Variants in RBMS3 observed in about 807,000 individuals in gnomAD.
RBMS3 encodes the protein RNA binding motif single stranded interacting protein 3, also known as RNA-binding motif, single-stranded-interacting protein 3.
A neutral mutation model predicts 66.8 loss-of-function variants in RBMS3; 27 were observed. That is an observed-to-expected ratio of 0.40 (90% CI 0.30 to 0.56). RBMS3 has a LOEUF of 0.56. Ranked by LOEUF, RBMS3 falls within the 20% of genes least tolerant of loss-of-function variation. The pLI, the probability that RBMS3 is intolerant of heterozygous loss-of-function variation, is 0.40. For synonymous variants in RBMS3, 188 were observed against 183.0 expected, an observed-to-expected ratio of 1.03 and a Z score of -0.22; for missense variants, 513 against 549.5, an observed-to-expected ratio of 0.93 and a Z score of 0.66.
intron 4 of RBMS3, among the ~76,000 whole-genome samples, chr3:29,690,927 G>T (rs1260517897): frequency 6.6e-6 from 1 of 152,168 alleles, no homozygotes; most frequent in South Asian, 2.1e-4. Context: ...CAGTGCAAAA[G>T]AATGGGAATA....
chr3:29,979,970 C>A (rs1697870086), intron 12 of RBMS3, among the ~76,000 whole-genome samples: 1 of 152,178 alleles, frequency 6.6e-6, no homozygotes, highest in Non-Finnish European at 1.5e-5. Context: ...ATTGCTGGGT[C>A]AAATTGTATT....
chr3:29,361,114 C>T (rs372658240), intron 1 of RBMS3, among the ~76,000 whole-genome samples: 5 of 151,984 alleles, frequency 3.3e-5, no homozygotes, highest in African/African-American at 4.8e-5. Flanking sequence ...TTATTTTGCT[C>T]GTTACTTGAA....
intron 11 of RBMS3, 99 bp downstream of exon 11, chr3:29,936,295 T>C: frequency 8.9e-7 from 1 of 1,127,700 alleles, no homozygotes; most frequent in Non-Finnish European, 1.3e-6. Flanking sequence ...GTCTGTACCA[T>C]ATTCGTTGAC....
chr3:29,980,801 G>T (rs2149781827), intron 12 of RBMS3, among the ~76,000 whole-genome samples: 1 of 152,160 alleles, frequency 6.6e-6, no homozygotes, highest in East Asian at 1.9e-4. Context: ...TATCTGTTTT[G>T]GTACCAGTAC....
intron 6 of RBMS3, among the ~76,000 whole-genome samples, chr3:29,785,012 G>A (rs1233590863): frequency 6.6e-6 from 1 of 151,672 alleles, no homozygotes; most frequent in Non-Finnish European, 1.5e-5. Flanking sequence ...CAAGCAGTGA[G>A]ATTGAAATGG....
chr3:29,905,430 A>AT (rs1054905865), intron 10 of RBMS3, among the ~76,000 whole-genome samples: 1 of 151,958 alleles, frequency 6.6e-6, no homozygotes, highest in Non-Finnish European at 1.5e-5. Flanking sequence ...TCAAAATTTC[A>AT]TTTTTTTGAT....
intron 1 of RBMS3, among the ~76,000 whole-genome samples, chr3:29,361,773 C>T (rs1340637012): frequency 6.6e-6 from 1 of 152,132 alleles, no homozygotes; most frequent in South Asian, 2.1e-4. Flanking sequence ...CTCTAAACTT[C>T]TCTTCTCTCT....
In RBMS3 at chr3:29,417,519, C is replaced by T. The variant is rs2040527908; in HGVS notation, c.76-17224C>T. 2.0e-5 allele frequency among the ~76,000 whole-genome samples: 3 copies of T among 152,066 alleles called. No homozygotes were observed. In the South Asian group the frequency reaches 6.2e-4, roughly 32 times the overall value. ...CTAATTATTATAATTTGGGAATATC[C>T]TATGGGTTTATATTAAGTGGAATAT... On this transcript the variant is annotated intron_variant, in intron 1 of 14. Coordinates refer to ENST00000383767, the MANE Select transcript of RBMS3 (RefSeq NM_001003793.3).
chr3:29,382,716 C>T (rs932956144), intron 1 of RBMS3, among the ~76,000 whole-genome samples: 1 of 152,110 alleles, frequency 6.6e-6, no homozygotes, highest in African/African-American at 2.4e-5. Flanking sequence ...AAATATGTGG[C>T]AATTCAGTAT....
chr3:29,959,066 A>C (rs1424715738), intron 12 of RBMS3, among the ~76,000 whole-genome samples: 3 of 152,202 alleles, frequency 2.0e-5, no homozygotes, highest in Admixed American at 2.0e-4. Context: ...AATGCTGAGC[A>C]GGCAGCATAT....
chr3:29,439,120 G>A (rs1037845091), intron 2 of RBMS3, among the ~76,000 whole-genome samples: 3 of 152,138 alleles, frequency 2.0e-5, no homozygotes, highest in Non-Finnish European at 4.4e-5. Context: ...CTAAGAAAAA[G>A]CCACGTGACT....
At chr3:29,857,707 C>A (rs1324135242) in intron 6 of RBMS3, among the ~76,000 whole-genome samples, 1 of 152,054 alleles carries the variant, frequency 6.6e-6, no homozygotes, top group Non-Finnish European at 1.5e-5. Context: ...AGCCACTCTG[C>A]AGGACCAGTG....
intron 12 of RBMS3, among the ~76,000 whole-genome samples, chr3:29,958,740 T>C (rs950800950): frequency 6.6e-6 from 1 of 152,190 alleles, no homozygotes; most frequent in African/African-American, 2.4e-5. Context: ...TGTGTATAGG[T>C]CCCAGTTCCT....
chr3:29,837,679 T>G lies in RBMS3; in HGVS notation c.638-31179T>G, dbSNP rs1470295463. Among the ~76,000 whole-genome samples, 8 of 93,046 alleles carry G rather than the reference T, an allele frequency of 8.6e-5. No individual in the cohort carries two copies. The Admixed American group carries it at 9.1e-4, about 11-fold the overall frequency. The allele number at this position is 93,046 out of a possible 152,430, so 61.0% of individuals were successfully genotyped here. ...TATAATGAACATATATATATATATATATATATATATATATATATATATATA... is the reference window on the plus strand; with the variant it reads ...TATAATGAACATATATATATATATAGATATATATATATATATATATATATA... On this transcript the variant is annotated intron_variant, in intron 6 of 14. Coordinates refer to ENST00000383767, the MANE Select transcript of RBMS3 (RefSeq NM_001003793.3).
chr3:29,377,354 T>C (rs1015088006), intron 1 of RBMS3, among the ~76,000 whole-genome samples: 5 of 152,166 alleles, frequency 3.3e-5, no homozygotes, highest in Non-Finnish European at 1.5e-5. Flanking sequence ...GGGTGAGGCC[T>C]GCATGTTGGG....
intron 6 of RBMS3, among the ~76,000 whole-genome samples, chr3:29,774,593 G>A (rs1010661707): frequency 3.9e-5 from 6 of 152,124 alleles, no homozygotes; most frequent in Non-Finnish European, 7.4e-5. Context: ...TACAGAGACC[G>A]CTGGAGGTTC....
intron 1 of RBMS3, among the ~76,000 whole-genome samples, chr3:29,290,124 T>C (rs922540342): frequency 1.3e-5 from 2 of 151,906 alleles, no homozygotes; most frequent in African/African-American, 2.4e-5. Context: ...TTTGAGGCTA[T>C]TGTCGATGTC....
intron 6 of RBMS3, among the ~76,000 whole-genome samples, chr3:29,764,674 C>A (rs898075989): frequency 1.3e-5 from 2 of 152,014 alleles, no homozygotes; most frequent in South Asian, 2.1e-4. Context: ...GCCTTCTTGC[C>A]CTGATTGATT....
intron 6 of RBMS3, among the ~76,000 whole-genome samples, chr3:29,779,043 G>T (rs1040925065): frequency 1.3e-5 from 2 of 151,570 alleles, no homozygotes; most frequent in Non-Finnish European, 3.0e-5. Flanking sequence ...TCTTTAGTCT[G>T]GTCAAAGATT....
Sources: allele counts gnomAD v4.1 joint callset (sites outside exome capture counted in the v4.1 genomes callset), GRCh38; gene constraint gnomAD v4.1.1; transcripts MANE v1.5; gene names NCBI Gene and HGNC (gene_info 2026-07-23, HGNC 2026-07-21).